Variants in BRPF1 observed in about 807,000 individuals in gnomAD.
BRPF1 encodes the protein bromodomain and PHD finger containing 1, also known as peregrin.
In BRPF1, 15 loss-of-function variants were observed where a neutral mutation model predicts 115.0. The observed-to-expected ratio is 0.13, with a 90% CI of 0.09 to 0.20. The LOEUF is 0.20. Ranked by LOEUF, BRPF1 falls within the 10% of genes least tolerant of loss-of-function variation. The probability of loss-of-function intolerance (pLI) is 1.00; values close to 1 mark genes in which losing one functional copy is unlikely to be tolerated. For synonymous variants in BRPF1, 647 were observed against 619.8 expected, an observed-to-expected ratio of 1.04 and a Z score of -0.65; for missense variants, 1,118 against 1,638.3, an observed-to-expected ratio of 0.68 and a Z score of 5.48.
At chr3:9,733,242 GA>G (rs1410117153) in intron 1 of BRPF1, 1 of 152,228 alleles carries the variant, frequency 6.6e-6, no homozygotes, top group East Asian at 1.9e-4. Flanking sequence ...TTCTTTCTGT[GA>G]TCCAGTGATT....
intron 4 of BRPF1, 125 bp from the exon 5 acceptor site, chr3:9,741,183 G>T: frequency 8.0e-7 from 1 of 1,243,790 alleles, no homozygotes; most frequent in Admixed American, 2.3e-5. Context: ...CACAGATTGA[G>T]GCACTACCAA....
At position 9,742,176 on chromosome 3, in the gene BRPF1, G is replaced by GAAGT; in HGVS notation, c.2001+7_2001+8insGTAA. On this transcript the variant is annotated splice_donor_region_variant and intron_variant, in intron 6 of 13. Transcript: ENST00000383829. ...GAGGTAACCGAATTGGACGAAGTAA[G>GAAGT]AATCCCTTCCCCTCACTCCACCTTC... The GAAGT allele has an allele frequency of 6.2e-7, 1 of 1,613,946 alleles. No individual in the cohort carries two copies. Among genetic ancestry groups the GAAGT allele is most frequent in the East Asian group, 2.2e-5 (1 of 44,886 alleles).
At chr3:9,736,901 C>T (rs1026728730) in intron 2 of BRPF1, among the ~76,000 whole-genome samples, 15 of 152,190 alleles carry the variant, frequency 9.9e-5, no homozygotes, top group Non-Finnish European at 2.1e-4. Flanking sequence ...AGGAATTATA[C>T]GTGACATGCA....
rs762911507 is a variant in BRPF1, at chr3:9,745,031, G to A, written c.2944G>A (p.Gly982Ser). ...PMDLPANGFSGGNQPVKKSFL... is the reference protein window; with the variant it reads ...PMDLPANGFSSGNQPVKKSFL... The stretch of plus-strand genomic sequence containing the variant: ...AGACTTACCAGCCAATGGCTTCAGC[G>A]GTGGAAACCAACCAGTGAAGAAGAG... Residue 982 changes from glycine to serine, a missense_variant, in exon 10 of 14, where the codon GGT becomes AGT. Coordinates refer to ENST00000383829, the MANE Select transcript of BRPF1 (RefSeq NM_001003694.2). This position sits in a 1 kb window ranked among gnomAD's most constrained non-coding sequence, Gnocchi z 5.1. The A allele has an allele frequency of 1.3e-5, 21 of 1,614,050 alleles. No homozygotes were observed. Among genetic ancestry groups the A allele is most frequent in the East Asian group, 8.9e-5 (4 of 44,898 alleles).
At position 9,743,157 on chromosome 3, in the gene BRPF1, C is replaced by T. The variant is rs1559664290; in HGVS notation, c.2215C>T (p.Arg739Trp). The change falls in exon 7 of 14, where the codon CGG (arginine) becomes TGG (tryptophan). Residue 739 changes from arginine (R) to tryptophan (W), a missense_variant. Arg to Trp is a moderately radical substitution (Grantham distance 101). This residue lies in a region of BRPF1 where 223 missense variants were observed against 240.7 expected (regional missense o/e 0.93). Coordinates refer to ENST00000383829, the MANE Select transcript of BRPF1 (RefSeq NM_001003694.2). This position sits in a 1 kb window ranked among gnomAD's most constrained non-coding sequence, Gnocchi z 6.1. ...EQGGAVLRQA[R>W]RQAEKMGIDF... ...GGGTGGTGCTGTGCTCCGCCAGGCCCGGCGCCAGGCAGAAAAAATGGGCAT... is the reference window on the plus strand; with the variant it reads ...GGGTGGTGCTGTGCTCCGCCAGGCCTGGCGCCAGGCAGAAAAAATGGGCAT... 11 of 1,614,090 alleles carry T rather than the reference C, an allele frequency of 6.8e-6. No individual in the cohort carries two copies. Among genetic ancestry groups the T allele is most frequent in the East Asian group, 2.2e-5 (1 of 44,900 alleles).
chr3:9,732,241 C>T (rs774931201), intron 1 of BRPF1, 103 bp downstream of exon 1: 89 of 152,522 alleles, frequency 5.8e-4, no homozygotes, highest in Non-Finnish European at 1.0e-3. Context: ...ACCTCTCTGG[C>T]AACTCCAGTT....
At chr3:9,732,288 C>G (rs111407399) in intron 1 of BRPF1, 150 bp downstream of exon 1, 1 of 152,372 alleles carries the variant, frequency 6.6e-6, no homozygotes, top group Non-Finnish European at 1.5e-5. Flanking sequence ...CAGCAGGCAT[C>G]CTGGGGCAAC....
At chr3:9,733,028 G>T (rs941569086) in intron 1 of BRPF1, 2 of 152,282 alleles carry the variant, frequency 1.3e-5, no homozygotes, top group African/African-American at 4.8e-5. Context: ...AGCTGAGCAT[G>T]CCTAGATTGT....
rs1019525151 is a variant in BRPF1, at chr3:9,745,510, C to T, written c.3069-63C>T. On this transcript the variant is annotated intron_variant, in intron 10 of 13. Transcript: ENST00000383829. This position sits in a 1 kb window ranked among gnomAD's most constrained non-coding sequence, Gnocchi z 5.1. ...CTGCGGGCTTTAAGAGCTGAGGGCA[C>T]ATACCATGCTGTTCCCCATTCTTCC... 27 of 1,570,016 alleles carry T rather than the reference C, an allele frequency of 1.7e-5. No individual in the cohort carries two copies. The Admixed American group carries it at 3.9e-4, about 22-fold the overall frequency.
At chr3:9,744,607 G>A (rs930694635) in intron 9 of BRPF1, 99 bp downstream of exon 9, 8 of 927,916 alleles carry the variant, frequency 8.6e-6, no homozygotes, top group Admixed American at 3.1e-5. Context: ...ATAAAAGAGC[G>A]AGCTAGAAGG....
chr3:9,744,201 CCTT>C lies in BRPF1; in HGVS notation c.2636-19_2636-17del, dbSNP rs754872939. The stretch of plus-strand genomic sequence containing the variant: ...TCAAATCAGGCCCCTCACCAACTCT[CCTT>C]CTTTCTTTCTCTGCTCCAGGCCTGG... On this transcript the variant is annotated intron_variant, in intron 8 of 13. Coordinates refer to ENST00000383829, the MANE Select transcript of BRPF1 (RefSeq NM_001003694.2). 23 of 1,515,886 alleles carry C rather than the reference CCTT, an allele frequency of 1.5e-5. No individual in the cohort carries two copies. The highest frequency in any genetic ancestry group is 5.6e-5 in the African/African-American group (4 of 71,654). 93.9% of individuals were successfully genotyped at this position (1,515,886 alleles called of 1,614,324 possible).
intron 2 of BRPF1, among the ~76,000 whole-genome samples, chr3:9,737,669 C>A (rs1482791527): frequency 6.6e-6 from 1 of 152,182 alleles, no homozygotes; most frequent in African/African-American, 2.4e-5. Context: ...TTTTTCAAAA[C>A]AACTTTTTAA....
In BRPF1 at chr3:9,734,246, A is replaced by C. The variant is rs1375395030; in HGVS notation, c.106A>C (p.Ser36Arg). 4 of 1,614,008 alleles carry C rather than the reference A, an allele frequency of 2.5e-6. No individual in the cohort carries two copies. Among genetic ancestry groups the C allele is most frequent in the Non-Finnish European group, 3.4e-6 (4 of 1,180,034 alleles). Residue 36 changes from serine (S) to arginine (R), a missense_variant, in exon 2 of 14, where the codon AGT becomes CGT. Ser to Arg is a moderately radical substitution (Grantham distance 110). Coordinates refer to ENST00000383829, the MANE Select transcript of BRPF1 (RefSeq NM_001003694.2). The surrounding 1 kb of genome is among the most constrained non-coding windows in gnomAD (Gnocchi z 5.7). ...ETCRKVYKSY[S>R]GIEYHLYHYD... Reference sequence around the variant, plus strand: ...CTGCCGAAAGGTCTACAAGAGTTACAGTGGTATTGAGTACCACCTGTACCA... The same window carrying C: ...CTGCCGAAAGGTCTACAAGAGTTACCGTGGTATTGAGTACCACCTGTACCA...
In BRPF1 at chr3:9,743,176, T is replaced by C. The variant is rs758443038; in HGVS notation, c.2234T>C (p.Met745Thr). The change falls in exon 7 of 14, where the codon ATG becomes ACG. Residue 745 changes from methionine to threonine, a missense_variant. By Grantham distance (81) the Met-to-Thr change is moderately conservative (BLOSUM62 -1). Transcript: ENST00000383829. This position sits in a 1 kb window ranked among gnomAD's most constrained non-coding sequence, Gnocchi z 6.1. ...LRQARRQAEK[M>T]GIDFETGMHI... ...CAGGCCCGGCGCCAGGCAGAAAAAA[T>C]GGGCATTGACTTTGAGACGGGCATG... The C allele has an allele frequency of 7.4e-6, 12 of 1,614,070 alleles. No individual in the cohort carries two copies. Among genetic ancestry groups the C allele is most frequent in the Non-Finnish European group, 9.3e-6 (11 of 1,180,016 alleles).
Position 9,744,395 on chromosome 3 carries a change from C to T in BRPF1, c.2807C>T (p.Pro936Leu), listed in dbSNP as rs559517241. Residue 936 changes from proline (P) to leucine (L), a missense_variant, in exon 9 of 14, where the codon CCC (proline) becomes CTC (leucine). By Grantham distance (98) the Pro-to-Leu change is moderately conservative (BLOSUM62 -3). Coordinates refer to ENST00000383829, the MANE Select transcript of BRPF1 (RefSeq NM_001003694.2). ...TPSHGGSPVG[P>L]PQLPIMSSLR... ...AGCCACGGAGGCAGTCCTGTGGGGC[C>T]CCCCCAGCTCCCCATCATGAGTTCC... is the stretch of plus-strand genomic sequence containing the variant. 7.5e-6 allele frequency: 12 copies of T among 1,610,598 alleles called. No individual in the cohort carries two copies. The highest frequency in any genetic ancestry group is 1.0e-5 in the Non-Finnish European group (12 of 1,178,260).
In BRPF1 at chr3:9,739,749, A is replaced by G. The variant is rs2076998295; in HGVS notation, c.1350A>G (p.Pro450=). The stretch of plus-strand genomic sequence containing the variant: ...CCTACTGCGACATCCACACGCCTCC[A>G]GGTTCAGCACGCCGACTGCCTGCCC... ...KTAYCDIHTP[P]GSARRLPALS... is the part of the protein sequence containing the mutation. Residue 450 remains proline, a synonymous_variant, in exon 3 of 14, where the codon CCA becomes CCG. Coordinates refer to ENST00000383829, the MANE Select transcript of BRPF1 (RefSeq NM_001003694.2). 25 of 1,614,216 alleles carry G rather than the reference A, an allele frequency of 1.5e-5. No homozygotes were observed. The highest frequency in any genetic ancestry group is 2.1e-5 in the Non-Finnish European group (25 of 1,180,010).
chr3:9,733,709 G>A (rs1289386116), intron 1 of BRPF1, among the ~76,000 whole-genome samples: 1 of 152,200 alleles, frequency 6.6e-6, no homozygotes, highest in Non-Finnish European at 1.5e-5. Flanking sequence ...GATCCCCTGT[G>A]TAGACAAAAA....
At chr3:9,744,953 C>G in intron 9 of BRPF1, 55 bp from the exon 10 acceptor site, 1 of 1,611,224 alleles carries the variant, frequency 6.2e-7, no homozygotes, top group African/African-American at 1.3e-5. Context: ...CATGTCATCT[C>G]TGATCTACAT....
intron 5 of BRPF1, 33 bp from the exon 6 acceptor site, chr3:9,741,981 TGAACTGGCCGA>T: frequency 1.9e-6 from 3 of 1,609,676 alleles, no homozygotes; most frequent in Non-Finnish European, 2.5e-6. Flanking sequence ...TCTTTGCCAC[TGAACTGGCCGA>T]GGCCTGGCTG....
Sources: allele counts gnomAD v4.1 joint callset (sites outside exome capture counted in the v4.1 genomes callset), GRCh38; gene constraint gnomAD v4.1.1; regional missense constraint gnomAD v4.1.1; non-coding constraint Gnocchi (gnomAD v3.1); transcripts MANE v1.5; gene names NCBI Gene and HGNC (gene_info 2026-07-23, HGNC 2026-07-21).